CCDC138: variants seen among roughly 807,000 people sequenced by gnomAD.
The protein encoded by CCDC138 is coiled-coil domain-containing protein 138.
CCDC138 carries 66 observed loss-of-function variants against 82.3 expected under a neutral mutation model. The ratio of observed to expected loss-of-function variants is 0.80; its 90% CI spans 0.66 to 0.98. The LOEUF is 0.98. CCDC138 is among the 50% of genes least tolerant of loss of function. The probability of loss-of-function intolerance (pLI) is 0.00; values close to 1 mark genes in which losing one functional copy is unlikely to be tolerated. For synonymous variants in CCDC138, 297 were observed against 265.4 expected (o/e 1.12, Z -1.16); for missense variants, 816 against 758.9 (o/e 1.08, Z -0.88).
At chr2:108,804,528 T>A (rs1416474004) in intron 6 of CCDC138, among the ~76,000 whole-genome samples, 1 of 152,180 alleles carries the variant, frequency 6.6e-6, no homozygotes, top group Non-Finnish European at 1.5e-5. Context: ...AGCTTATCTC[T>A]TGAAGAGTAT....
intron 6 of CCDC138, among the ~76,000 whole-genome samples, chr2:108,799,467 G>A (rs1681529921): frequency 6.6e-6 from 1 of 152,162 alleles, no homozygotes; most frequent in Admixed American, 6.6e-5. Flanking sequence ...CTTTCCTCCA[G>A]CCTCAGCCCT....
intron 11 of CCDC138, among the ~76,000 whole-genome samples, chr2:108,841,784 C>T (rs13430225): frequency 0.072 from 10,974 of 151,902 alleles, 509 homozygotes; most frequent in South Asian, 0.15. Context: ...TTTTTAACTA[C>T]TGGGTGGTTC....
chr2:108,879,942 G>T (rs1038912963), downstream of CCDC138, among the ~76,000 whole-genome samples: 1 of 152,078 alleles, frequency 6.6e-6, no homozygotes, highest in African/African-American at 2.4e-5. Flanking sequence ...TTTCAGCAGG[G>T]TGGTGGACTA....
intron 5 of CCDC138, among the ~76,000 whole-genome samples, chr2:108,796,749 CGT>C (rs1199048741): frequency 6.6e-6 from 1 of 151,994 alleles, no homozygotes; most frequent in Non-Finnish European, 1.5e-5. Context: ...TGTTCTCACT[CGT>C]GTGGGGTGGG....
At position 108,786,802 on chromosome 2, in the gene CCDC138, C is replaced by G. The variant is rs971797093; in HGVS notation, c.-21C>G. On this transcript the variant is annotated 5_prime_UTR_variant, in exon 1 of 15. Coordinates refer to ENST00000295124, the MANE Select transcript of CCDC138 (RefSeq NM_144978.3). ...TTGATGAACGCGGTTCCCGGGGAGA[C>G]TGGTACGGTTGCTGTGTGCTATGGA... 3.8e-6 allele frequency: 6 copies of G among 1,573,644 alleles called. No homozygotes were observed. In the African/African-American group the frequency reaches 6.8e-5, roughly 18 times the overall value.
At chr2:108,839,376 CTGTTTTG>C in intron 11 of CCDC138, 75 bp downstream of exon 11, 3 of 1,258,982 alleles carry the variant, frequency 2.4e-6, no homozygotes, top group Non-Finnish European at 3.3e-6. Flanking sequence ...TTCACAATAT[CTGTTTTG>C]AATATATTCT....
chr2:108,884,601 C>T (rs1696377666), intron 2 of CCDC138: 7 of 152,162 alleles, frequency 4.6e-5, no homozygotes, highest in Admixed American at 4.6e-4. Flanking sequence ...GAACCTGTGA[C>T]AAAGCTCCAC....
At chr2:108,789,317 G>A (rs1239950100) in intron 3 of CCDC138, among the ~76,000 whole-genome samples, 1 of 152,192 alleles carries the variant, frequency 6.6e-6, no homozygotes, top group East Asian at 1.9e-4. Context: ...TATGGGCCAG[G>A]TGCGGTGGCT....
At chr2:108,812,235 C>T (rs1282357642) in intron 7 of CCDC138, among the ~76,000 whole-genome samples, 1 of 152,164 alleles carries the variant, frequency 6.6e-6, no homozygotes, top group East Asian at 1.9e-4. Context: ...TCAGTATATA[C>T]ACAGACACAT....
chr2:108,880,879 G>A (rs1696271262), downstream of CCDC138, among the ~76,000 whole-genome samples: 1 of 152,218 alleles, frequency 6.6e-6, no homozygotes, highest in South Asian at 2.1e-4. Context: ...TCTGCAGCCT[G>A]TGAACCAAAA....
chr2:108,865,011 C>T (rs980950136), intron 13 of CCDC138, among the ~76,000 whole-genome samples: 1 of 151,948 alleles, frequency 6.6e-6, no homozygotes, highest in Non-Finnish European at 1.5e-5. Flanking sequence ...TTCAAAAGTA[C>T]AAAAGTGAAA....
rs752081646 is a variant in CCDC138 at position 108,788,869 on chromosome 2, T to C, written c.169T>C (p.Ser57Pro). The change falls in exon 3 of 15, where the codon TCT (serine) becomes CCT (proline). Residue 57 changes from serine (S) to proline (P), a missense_variant. Physicochemically the swap from Ser to Pro is moderately conservative, Grantham distance 74. Coordinates refer to ENST00000295124, the MANE Select transcript of CCDC138 (RefSeq NM_144978.3). Reference protein sequence around the residue: ...LTSPGDLDIYSGDKVGSSLKY... With the variant: ...LTSPGDLDIYPGDKVGSSLKY... ...GTTGACAGGTGATTTGGATATCTAC[T>C]CTGGAGATAAAGTTGGTTCATCGTT... 1.9e-6 allele frequency: 3 copies of C among 1,613,896 alleles called. No homozygotes were observed. Among genetic ancestry groups the C allele is most frequent in the East Asian group, 2.2e-5 (1 of 44,862 alleles).
At chr2:108,794,221 A>G (rs1281884548) in intron 4 of CCDC138, among the ~76,000 whole-genome samples, 1 of 152,164 alleles carries the variant, frequency 6.6e-6, no homozygotes, top group Non-Finnish European at 1.5e-5. Context: ...GAGAGAGGGG[A>G]ACATGATTAG....
intron 10 of CCDC138, among the ~76,000 whole-genome samples, chr2:108,822,244 T>C (rs1170629745): frequency 6.6e-6 from 1 of 151,990 alleles, no homozygotes; most frequent in Non-Finnish European, 1.5e-5. Flanking sequence ...AAAGGTAAAT[T>C]CACCAAGAAG....
intron 12 of CCDC138, among the ~76,000 whole-genome samples, chr2:108,855,694 T>G (rs1041640031): frequency 1.2e-4 from 18 of 152,216 alleles, no homozygotes; most frequent in African/African-American, 4.3e-4. Context: ...CAGATCTTAC[T>G]TTCTCAAAAT....
Position 108,856,825 on chromosome 2 carries a change from T to C in CCDC138, c.1548T>C (p.Leu516=), listed in dbSNP as rs1304415330. ...ADYLAQAFDS[L]CLDLKTEEGK... ...ACCTGGCTCAGGCATTTGATTCTCTTTGTTTGGACTTGAAGACAGAAGAAG... is the reference window on the plus strand; with the variant it reads ...ACCTGGCTCAGGCATTTGATTCTCTCTGTTTGGACTTGAAGACAGAAGAAG... Residue 516 remains leucine, a synonymous_variant, in exon 13 of 15, where the codon CTT becomes CTC. Coordinates refer to ENST00000295124, the MANE Select transcript of CCDC138 (RefSeq NM_144978.3). The C allele has an allele frequency of 6.2e-7, 1 of 1,613,264 alleles. No individual in the cohort carries two copies. The highest frequency in any genetic ancestry group is 1.1e-5 in the South Asian group (1 of 90,912).
At chr2:108,878,156 A>C (rs571924083), downstream of CCDC138, among the ~76,000 whole-genome samples, 2 of 152,376 alleles carry the variant, frequency 1.3e-5, no homozygotes, top group East Asian at 3.9e-4. Flanking sequence ...AGCACTGAAC[A>C]CTGAAACAAC....
intron 12 of CCDC138, among the ~76,000 whole-genome samples, chr2:108,848,678 C>T (rs61668692): frequency 0.011 from 1,635 of 152,130 alleles, 18 homozygotes; most frequent in African/African-American, 0.028. Flanking sequence ...GCAACAAATG[C>T]GATGATTTAT....
At chr2:108,815,791 CTT>C in intron 9 of CCDC138, 148 bp from the exon 10 acceptor site, 1 of 649,914 alleles carries the variant, frequency 1.5e-6, no homozygotes, top group South Asian at 2.2e-5. Flanking sequence ...ATTTGGAATT[CTT>C]TTGTTTGTTT....
Sources: gnomAD v4.1 joint callset for allele counts (sites outside exome capture counted in the v4.1 genomes callset) on GRCh38, gnomAD v4.1.1 for gene constraint, MANE v1.5 for transcripts, NCBI Gene and HGNC (gene_info 2026-07-23, HGNC 2026-07-21) for gene names.